TPR: variants seen among roughly 807,000 people sequenced by gnomAD.
TPR encodes the protein translocated promoter region, nuclear basket protein.
A neutral mutation model predicts 316.1 loss-of-function variants in TPR; 51 were observed. That is an observed-to-expected ratio of 0.16 (90% CI 0.13 to 0.20). The LOEUF (loss-of-function observed/expected upper bound fraction) is 0.20, where lower values mean the gene tolerates loss of function less well. Among genes scored for constraint, TPR ranks in the 10% least tolerant of loss-of-function variants. The pLI is 1.00. For synonymous variants in TPR, 981 were observed against 914.7 expected, an observed-to-expected ratio of 1.07 and a Z score of -1.31; for missense variants, 2,272 against 2,754.8, an observed-to-expected ratio of 0.82 and a Z score of 3.92.
At chr1:186,343,538 T>C (rs558105449) in intron 26 of TPR, 65 bp from the exon 27 acceptor site, 2 of 1,481,520 alleles carry the variant, frequency 1.3e-6, no homozygotes, top group African/African-American at 1.4e-5. Flanking sequence ...AAAACGTAGG[T>C]AATTTGGTAA....
intron 46 of TPR, 150 bp from the exon 47 acceptor site, chr1:186,318,978 T>G (rs1372546215): frequency 2.6e-6 from 2 of 771,798 alleles, no homozygotes; most frequent in Non-Finnish European, 4.1e-6. Flanking sequence ...AAAATCCATC[T>G]CTCAAACTTT....
At chr1:186,334,269 C>G in intron 36 of TPR, 56 bp downstream of exon 36, 1 of 1,471,934 alleles carries the variant, frequency 6.8e-7, no homozygotes, top group South Asian at 1.3e-5. Context: ...TTACTGTCAT[C>G]TTCTCATAAT....
In TPR at chr1:186,320,328, C is replaced by T; in HGVS notation, c.6552G>A (p.Gln2184=). 6.2e-7 allele frequency: 1 copy of T among 1,609,580 alleles called. No homozygotes were observed. Among genetic ancestry groups the T allele is most frequent in the African/African-American group, 1.3e-5 (1 of 74,898 alleles). ...ACTATTTACCTCCTTGAGAAGCAAG[C>T]TGGCCAAGATCAGAGTGACTAGAAC... is the stretch of plus-strand genomic sequence containing the variant. The part of the protein sequence containing the change: ...QTSSSHSDLG[Q]LASQGGLGMY... The change falls in exon 46 of 51, where the codon CAG becomes CAA. Residue 2184 remains glutamine, a synonymous_variant. Transcript: ENST00000367478.
Position 186,312,265 on chromosome 1 carries a change from A to T in TPR, c.*1706T>A. 2 of 1,614,078 alleles carry T rather than the reference A, an allele frequency of 1.2e-6. No homozygotes were observed. Among genetic ancestry groups the T allele is most frequent in the Non-Finnish European group, 1.7e-6 (2 of 1,179,952 alleles). On this transcript the variant is annotated 3_prime_UTR_variant, in exon 51 of 51. Transcript: ENST00000367478. ...GCTCTAAATTATCCAGTGTATGGAG[A>T]AACGACACAGGTTAGGAGACGTCGC...
chr1:186,335,308 T>C (rs1394082194), intron 34 of TPR, 30 bp downstream of exon 34: 8 of 1,606,450 alleles, frequency 5.0e-6, no homozygotes, highest in Non-Finnish European at 6.8e-6. Flanking sequence ...AGAAAAACAA[T>C]TTGTTACTTA....
At position 186,341,239 on chromosome 1, in the gene TPR, C is replaced by G; in HGVS notation, c.3888+13G>C. On this transcript the variant is annotated intron_variant, in intron 28 of 50. Coordinates refer to ENST00000367478, the MANE Select transcript of TPR (RefSeq NM_003292.3). ...AACAACATGCTTCCACTCTTGATAACTAAGCAACAAACCTTTGCTTGCATT... is the reference window on the plus strand; with the variant it reads ...AACAACATGCTTCCACTCTTGATAAGTAAGCAACAAACCTTTGCTTGCATT... The G allele has an allele frequency of 5.0e-6, 8 of 1,613,414 alleles. No individual in the cohort carries two copies. Among genetic ancestry groups the G allele is most frequent in the Non-Finnish European group, 6.8e-6 (8 of 1,179,870 alleles).
intron 38 of TPR, among the ~76,000 whole-genome samples, chr1:186,331,866 T>C (rs1362371028): frequency 2.0e-5 from 3 of 152,114 alleles, no homozygotes; most frequent in African/African-American, 7.2e-5. Context: ...AAAAGGAATA[T>C]AATTTTGGCT....
Position 186,341,229 on chromosome 1 carries a change from C to T in TPR, c.3888+23G>A, listed in dbSNP as rs376033261. 5.0e-6 allele frequency: 8 copies of T among 1,613,130 alleles called. No homozygotes were observed. The African/African-American group carries it at 6.7e-5, about 13-fold the overall frequency. On this transcript the variant is annotated intron_variant, in intron 28 of 50. Transcript: ENST00000367478. ...TATTATTAAAAACAACATGCTTCCACTCTTGATAACTAAGCAACAAACCTT... is the reference window on the plus strand; with the variant it reads ...TATTATTAAAAACAACATGCTTCCATTCTTGATAACTAAGCAACAAACCTT...
In TPR at chr1:186,359,847, T is replaced by C. The variant is rs1352363147; in HGVS notation, c.1341A>G (p.Ala447=). 4 of 1,597,184 alleles carry C rather than the reference T, an allele frequency of 2.5e-6. No individual in the cohort carries two copies. The African/African-American group carries it at 4.1e-5, about 16-fold the overall frequency. The stretch of plus-strand genomic sequence containing the variant: ...CAGATAAACTTGCTACAGCTTTCTG[T>C]GCACGTTCATATTCCTCACGCTGGC... ...LKRQREEYER[A]QKAVASLSVK... is the part of the protein sequence containing the mutation. Residue 447 remains alanine, a synonymous_variant, in exon 12 of 51, where the codon GCA becomes GCG. Coordinates refer to ENST00000367478, the MANE Select transcript of TPR (RefSeq NM_003292.3).
At chr1:186,325,881 G>A (rs1657913461) in intron 41 of TPR, 27 bp from the exon 42 acceptor site, 8 of 1,600,556 alleles carry the variant, frequency 5.0e-6, no homozygotes, top group Admixed American at 1.7e-5. Flanking sequence ...GTAACATAAT[G>A]CTCAAATAAA....
chr1:186,319,550 T>C (rs966986813), intron 46 of TPR, among the ~76,000 whole-genome samples: 6 of 152,186 alleles, frequency 3.9e-5, no homozygotes, highest in Non-Finnish European at 5.9e-5. Flanking sequence ...ACATAACATT[T>C]TAAATTTACA....
intron 29 of TPR, among the ~76,000 whole-genome samples, 198 bp from the exon 30 acceptor site, chr1:186,339,970 A>C (rs1658464140): frequency 6.6e-6 from 1 of 152,084 alleles, no homozygotes; most frequent in Non-Finnish European, 1.5e-5. Flanking sequence ...TACAAGAGGA[A>C]AAAAAAATAA....
rs899521466 is a variant in TPR, at chr1:186,325,784, G to T, written c.6092C>A (p.Ala2031Asp). The T allele has an allele frequency of 6.2e-7, 1 of 1,613,224 alleles. No individual in the cohort carries two copies. Among genetic ancestry groups the T allele is most frequent in the African/African-American group, 1.3e-5 (1 of 74,996 alleles). The stretch of plus-strand genomic sequence containing the variant: ...CTCACCACTGTTTTGAGAATCAGCA[G>T]CTCTGTGATTACCTTCACCTCCACC... ...SMGGGEGNHR[A>D]ADSQNSGEGN... Residue 2031 changes from alanine to aspartate, a missense_variant, in exon 42 of 51, where the codon GCT becomes GAT. Transcript: ENST00000367478.
rs528044172 is a variant in TPR, at chr1:186,334,631, A to G, written c.4974-98T>C. The G allele has an allele frequency of 1.3e-5, 16 of 1,279,650 alleles. No homozygotes were observed. In the East Asian group the frequency reaches 3.3e-4, roughly 27 times the overall value. The allele number at this position is 1,279,650 out of a possible 1,614,324, so 79.3% of individuals were successfully genotyped here. A position where few individuals can be genotyped will look rare whatever the true frequency, so the allele number is the denominator to read the frequency against. On this transcript the variant is annotated intron_variant, in intron 35 of 50. Transcript: ENST00000367478. ...ATAGGTCTCCATTTTTTTGTTCACT[A>G]AATATTTCAGAGCCTTATTAAAGCT...
At chr1:186,368,038 G>C in intron 3 of TPR, 56 bp from the exon 4 acceptor site, 1 of 1,291,218 alleles carries the variant, frequency 7.7e-7, no homozygotes, top group Non-Finnish European at 1.1e-6. Flanking sequence ...ACAGGAAAGC[G>C]AACATAGAAT....
intron 39 of TPR, among the ~76,000 whole-genome samples, chr1:186,330,686 A>C (rs1658133648): frequency 6.6e-6 from 1 of 152,158 alleles, no homozygotes; most frequent in South Asian, 2.1e-4. Flanking sequence ...GTGAAGACAG[A>C]ACACCTTTGG....
intron 4 of TPR, among the ~76,000 whole-genome samples, chr1:186,365,687 T>C (rs1028316905): frequency 5.3e-5 from 8 of 152,198 alleles, no homozygotes; most frequent in Non-Finnish European, 8.8e-5. Flanking sequence ...GAAAAAGTTA[T>C]GAAAGCCATC....
chr1:186,368,129 G>T, intron 3 of TPR, 147 bp from the exon 4 acceptor site: 1 of 552,918 alleles, frequency 1.8e-6, no homozygotes, highest in Non-Finnish European at 3.1e-6. Context: ...AAAAATACCC[G>T]TAATTCCAAT....
chr1:186,313,963 C>A lies in TPR; in HGVS notation c.*8G>T. ...TCTTATTCACAGTTGTTATTGTTTA[C>A]AGACCATTTAATTAATATTTCCTCT... On this transcript the variant is annotated 3_prime_UTR_variant, in exon 51 of 51. Coordinates refer to ENST00000367478, the MANE Select transcript of TPR (RefSeq NM_003292.3). The A allele has an allele frequency of 6.2e-7, 1 of 1,611,052 alleles. No individual in the cohort carries two copies. The highest frequency in any genetic ancestry group is 1.3e-5 in the African/African-American group (1 of 75,002).
Sources: allele counts gnomAD v4.1 joint callset (sites outside exome capture counted in the v4.1 genomes callset), GRCh38; gene constraint gnomAD v4.1.1; transcripts MANE v1.5; gene names NCBI Gene and HGNC (gene_info 2026-07-23, HGNC 2026-07-21).